Variants in TAF4B observed in about 807,000 individuals in gnomAD.
The protein encoded by TAF4B is TATA-box binding protein associated factor 4b, also known as transcription initiation factor TFIID subunit 4B.
In TAF4B, 38 loss-of-function variants were observed where a neutral mutation model predicts 86.4. That is an observed-to-expected ratio of 0.44 (90% CI 0.34 to 0.58). The LOEUF (loss-of-function observed/expected upper bound fraction) is 0.58, where lower values mean the gene tolerates loss of function less well. Among genes scored for constraint, TAF4B ranks in the 20% least tolerant of loss-of-function variants. The pLI is 0.02. For synonymous variants in TAF4B, 388 were observed against 391.2 expected (o/e 0.99, Z 0.10); for missense variants, 988 against 1,027.6 (o/e 0.96, Z 0.53).
At chr18:26,388,676 C>T (rs1978522449) in intron 14 of TAF4B, among the ~76,000 whole-genome samples, 1 of 152,296 alleles carries the variant, frequency 6.6e-6, no homozygotes, top group Non-Finnish European at 1.5e-5. Context: ...AGCCATGTGG[C>T]TGCAGTTAAG....
Position 26,292,343 on chromosome 18 carries a change from C to T in TAF4B, c.1688C>T (p.Pro563Leu). 1 of 1,614,136 alleles carries T rather than the reference C, an allele frequency of 6.2e-7. No homozygotes were observed. Among genetic ancestry groups the T allele is most frequent in the Non-Finnish European group, 8.5e-7 (1 of 1,180,004 alleles). ...TIQKCGQKTM[P>L]VNTIIPTSQF... The stretch of plus-strand genomic sequence containing the variant: ...CAGAAATGTGGACAGAAGACGATGC[C>T]AGTGAACACCATAATACCTACTAGT... The change falls in exon 8 of 15, where the codon CCA becomes CTA. Residue 563 changes from proline (P) to leucine (L), a missense_variant. This residue lies in a region of TAF4B where 747 missense variants were observed against 737.9 expected (regional missense o/e 1.01). Transcript: ENST00000269142.
chr18:26,233,304 G>T (rs1041810999), intron 1 of TAF4B, among the ~76,000 whole-genome samples: 1 of 152,140 alleles, frequency 6.6e-6, no homozygotes, highest in Non-Finnish European at 1.5e-5. Flanking sequence ...AAGCATTCAA[G>T]AAAGTAATTG....
chr18:26,277,783 T>TCA (rs753749999), intron 5 of TAF4B, among the ~76,000 whole-genome samples: 3 of 152,210 alleles, frequency 2.0e-5, no homozygotes, highest in Non-Finnish European at 4.4e-5. Context: ...ATTGGGAAAA[T>TCA]ACTGGTTCAC....
chr18:26,247,608 T>C (rs1162331518), intron 1 of TAF4B, among the ~76,000 whole-genome samples: 21 of 152,164 alleles, frequency 1.4e-4, no homozygotes, highest in Admixed American at 1.4e-3. Flanking sequence ...GGGTTGGGCA[T>C]GGTGACTCAC....
At position 26,227,256 on chromosome 18, in the gene TAF4B, C is replaced by T; in HGVS notation, c.323C>T (p.Ala108Val). Residue 108 changes from alanine (A) to valine (V), a missense_variant, in exon 1 of 15, where the codon GCT becomes GTT. By Grantham distance (64) the Ala-to-Val change is moderately conservative. Transcript: ENST00000269142. ...AACACCACGACAATCCAGTTTCCTG[C>T]TAATTTGCAGCTTCCTCCAGGTATG... ...APNTTTIQFPANLQLPPGTVL... is the reference protein window; with the variant it reads ...APNTTTIQFPVNLQLPPGTVL... The T allele has an allele frequency of 6.2e-7, 1 of 1,613,106 alleles. No individual in the cohort carries two copies. Among genetic ancestry groups the T allele is most frequent in the Non-Finnish European group, 8.5e-7 (1 of 1,179,560 alleles).
intron 1 of TAF4B, among the ~76,000 whole-genome samples, chr18:26,257,287 C>A (rs759708280): frequency 6.6e-6 from 1 of 152,096 alleles, no homozygotes; most frequent in Non-Finnish European, 1.5e-5. Flanking sequence ...AATGTTACAT[C>A]GTGTTGATCT....
intron 14 of TAF4B, among the ~76,000 whole-genome samples, chr18:26,380,954 G>A (rs2057474266): frequency 6.6e-6 from 1 of 151,928 alleles, no homozygotes; most frequent in African/African-American, 2.4e-5. Context: ...AGTTAATCAA[G>A]CACTATTTTA....
chr18:26,368,981 T>C (rs1478284), intron 14 of TAF4B, among the ~76,000 whole-genome samples: 143,083 of 152,238 alleles, frequency 0.94, 67,445 homozygotes, highest in East Asian at 0.99. Context: ...AGAAAAATGG[T>C]AGTAAGGGTA....
Position 26,286,010 on chromosome 18 carries a change from G to A in TAF4B, c.1101G>A (p.Val367=). ...CAACAGTAACAACTTCTCCTGTGGTGACAACTACAGTGTCCTCAAGCCAGT... is the reference window on the plus strand; with the variant it reads ...CAACAGTAACAACTTCTCCTGTGGTAACAACTACAGTGTCCTCAAGCCAGT... ...CTTTVTTSPV[V]TTTVSSSQSE... Residue 367 remains valine (V), a synonymous_variant, in exon 7 of 15, where the codon GTG becomes GTA. Coordinates refer to ENST00000269142, the MANE Select transcript of TAF4B (RefSeq NM_005640.3). 1.2e-6 allele frequency: 2 copies of A among 1,614,192 alleles called. No homozygotes were observed. Among genetic ancestry groups the A allele is most frequent in the Non-Finnish European group, 8.5e-7 (1 of 1,180,036 alleles).
intron 1 of TAF4B, among the ~76,000 whole-genome samples, chr18:26,238,178 T>C (rs1232628527): frequency 6.6e-6 from 1 of 152,184 alleles, no homozygotes; most frequent in Non-Finnish European, 1.5e-5. Context: ...GTGGGCCTTA[T>C]TGACACATTT....
At chr18:26,344,378 AGG>A (rs1188821804) in intron 13 of TAF4B, among the ~76,000 whole-genome samples, 1 of 150,476 alleles carries the variant, frequency 6.6e-6, no homozygotes, top group Non-Finnish European at 1.5e-5. Flanking sequence ...TTAAAAAAAA[AGG>A]GAAAAAAACC....
At chr18:26,228,005 G>T (rs2055604801) in intron 1 of TAF4B, among the ~76,000 whole-genome samples, 1 of 152,226 alleles carries the variant, frequency 6.6e-6, no homozygotes, top group Admixed American at 6.5e-5. Flanking sequence ...TTGACAAACA[G>T]ATCAGTCATG....
chr18:26,269,191 C>T (rs906166518), intron 3 of TAF4B, among the ~76,000 whole-genome samples: 3 of 151,518 alleles, frequency 2.0e-5, no homozygotes, highest in Admixed American at 6.6e-5. Flanking sequence ...TGTTTGCTTC[C>T]TGTGGGCAGA....
chr18:26,387,629 C>G (rs1354969389), intron 14 of TAF4B, among the ~76,000 whole-genome samples: 1 of 152,120 alleles, frequency 6.6e-6, no homozygotes, highest in Non-Finnish European at 1.5e-5. Flanking sequence ...GTACAAATTG[C>G]ATTCATTACC....
intron 11 of TAF4B, among the ~76,000 whole-genome samples, chr18:26,325,253 A>G (rs575540402): frequency 3.3e-4 from 50 of 152,278 alleles, no homozygotes; most frequent in Middle Eastern, 3.4e-3. Flanking sequence ...TCCAGTTGAA[A>G]GGTGCTATTT....
intron 2 of TAF4B, 64 bp downstream of exon 2, chr18:26,265,379 T>G: frequency 2.7e-6 from 4 of 1,479,802 alleles, no homozygotes; most frequent in Non-Finnish European, 3.6e-6. Context: ...ATATAAATGT[T>G]GTGTATATGT....
chr18:26,343,662 TTA>T (rs1345217259), intron 13 of TAF4B, among the ~76,000 whole-genome samples: 3 of 152,230 alleles, frequency 2.0e-5, no homozygotes, highest in Admixed American at 2.0e-4. Context: ...ACAGGTCCAC[TTA>T]TATGTGGATT....
chr18:26,265,032 A>C (rs1201954895), intron 1 of TAF4B, 138 bp from the exon 2 acceptor site: 1 of 804,584 alleles, frequency 1.2e-6, no homozygotes, highest in Non-Finnish European at 1.9e-6. Flanking sequence ...ATCTTTGTAT[A>C]TAAGTAGCAG....
chr18:26,285,222 G>GTTTTTGTTTTTTTTTTT lies in TAF4B; in HGVS notation c.973-655_973-654insGTTTTTTTTTTTTTTTT. On this transcript the variant is annotated intron_variant, in intron 6 of 14. Coordinates refer to ENST00000269142, the MANE Select transcript of TAF4B (RefSeq NM_005640.3). ...ATTTCTTCCTTTCCTTTTTTTTTTTGTTTTTTTTTTTTTTGGAGATGGGGT... is the reference window on the plus strand; with the variant it reads ...ATTTCTTCCTTTCCTTTTTTTTTTTGTTTTTGTTTTTTTTTTTTTTTTTTTTTTTTTGGAGATGGGGT... Among the ~76,000 whole-genome samples the GTTTTTGTTTTTTTTTTT allele has an allele frequency of 6.1e-3, 277 of 45,664 alleles. 2 individuals are homozygous for GTTTTTGTTTTTTTTTTT. Among genetic ancestry groups the GTTTTTGTTTTTTTTTTT allele is most frequent in the Non-Finnish European group, 0.01 (224 of 22,250 alleles). 30.0% of individuals were successfully genotyped at this position (45,664 alleles called of 152,430 possible).
Sources: gnomAD v4.1 joint callset for allele counts (sites outside exome capture counted in the v4.1 genomes callset) on GRCh38, gnomAD v4.1.1 for gene constraint, gnomAD v4.1.1 regional missense constraint, MANE v1.5 for transcripts, NCBI Gene and HGNC (gene_info 2026-07-23, HGNC 2026-07-21) for gene names.